Variants in MYT1L observed in about 807,000 individuals in gnomAD.
MYT1L encodes the protein myelin transcription factor 1 like, also known as myelin transcription factor 1-like protein.
Under a neutral mutation model 126.7 loss-of-function variants are expected in MYT1L, and 12 were observed. The ratio of observed to expected loss-of-function variants is 0.09; its 90% CI spans 0.06 to 0.15. The LOEUF (loss-of-function observed/expected upper bound fraction) is 0.15. Among genes scored for constraint, MYT1L ranks in the 10% least tolerant of loss-of-function variants. The probability of loss-of-function intolerance (pLI) is 1.00; values close to 1 mark genes in which losing one functional copy is unlikely to be tolerated. For missense variants in MYT1L, 979 were observed against 1,585.2 expected, an observed-to-expected ratio of 0.62 and a Z score of 6.49; for synonymous variants, 541 against 604.2, an observed-to-expected ratio of 0.90 and a Z score of 1.53.
chr2:2,055,621 C>T (rs558467717), intron 3 of MYT1L, among the ~76,000 whole-genome samples: 1 of 151,712 alleles, frequency 6.6e-6, no homozygotes, highest in East Asian at 2.0e-4. Context: ...ATTTGAAAGA[C>T]AAAAAATAGA....
intron 2 of MYT1L, among the ~76,000 whole-genome samples, chr2:2,207,501 A>G (rs1288656942): frequency 1.3e-5 from 2 of 152,200 alleles, no homozygotes; most frequent in African/African-American, 4.8e-5. Flanking sequence ...ATGTCGTGAC[A>G]TCTGTTTTAA....
At chr2:2,223,609 T>A (rs2093936776) in intron 2 of MYT1L, among the ~76,000 whole-genome samples, 1 of 152,220 alleles carries the variant, frequency 6.6e-6, no homozygotes, top group Non-Finnish European at 1.5e-5. Flanking sequence ...AATAATTTTC[T>A]CCATATATTT....
At chr2:1,892,381 C>T (rs1436682039) in intron 14 of MYT1L, 94 bp from the exon 15 acceptor site, 11 of 1,471,368 alleles carry the variant, frequency 7.5e-6, no homozygotes, top group Non-Finnish European at 8.1e-6. Context: ...GCCTCAGCCA[C>T]ACACAGCCGC....
intron 3 of MYT1L, among the ~76,000 whole-genome samples, chr2:2,077,139 G>A (rs959555706): frequency 3.0e-4 from 46 of 152,044 alleles, no homozygotes; most frequent in Non-Finnish European, 1.5e-4. Flanking sequence ...GGTTAATAGA[G>A]AGTATTTAGT....
chr2:1,964,692 A>T (rs1294369651), intron 8 of MYT1L, among the ~76,000 whole-genome samples: 4 of 152,344 alleles, frequency 2.6e-5, no homozygotes, highest in African/African-American at 9.6e-5. Flanking sequence ...AACAGACTGC[A>T]TTAAGGACCT....
chr2:2,012,875 A>G (rs2063972279), intron 4 of MYT1L, among the ~76,000 whole-genome samples: 1 of 152,162 alleles, frequency 6.6e-6, no homozygotes, highest in Non-Finnish European at 1.5e-5. Flanking sequence ...CAGGTGATAG[A>G]GCACCGAGGC....
chr2:1,883,018 C>A (rs562798484), intron 18 of MYT1L, among the ~76,000 whole-genome samples: 2 of 152,182 alleles, frequency 1.3e-5, no homozygotes, highest in South Asian at 2.1e-4. Flanking sequence ...ACTGCGCGTA[C>A]GGGACCATCG....
At chr2:2,077,992 G>C (rs2075400537) in intron 3 of MYT1L, among the ~76,000 whole-genome samples, 2 of 152,130 alleles carry the variant, frequency 1.3e-5, no homozygotes, top group Admixed American at 1.3e-4. Context: ...ATAAAACTGT[G>C]CTAATAGCTT....
At chr2:2,085,581 G>A (rs979708573) in intron 3 of MYT1L, among the ~76,000 whole-genome samples, 7 of 152,024 alleles carry the variant, frequency 4.6e-5, no homozygotes, top group Non-Finnish European at 1.0e-4. Flanking sequence ...GGTTGTTTAT[G>A]TTCCTGTTCT....
intron 3 of MYT1L, among the ~76,000 whole-genome samples, chr2:2,087,289 A>G (rs1198847972): frequency 6.6e-6 from 1 of 152,228 alleles, no homozygotes; most frequent in Admixed American, 6.5e-5. Context: ...TGCAATGCCA[A>G]ATAAGCTGAA....
chr2:2,327,513 A>G (rs1422782676), intron 1 of MYT1L, among the ~76,000 whole-genome samples: 5 of 151,700 alleles, frequency 3.3e-5, no homozygotes, highest in Non-Finnish European at 7.4e-5. Flanking sequence ...AACTTGAAAT[A>G]GGAAAATGCA....
chr2:2,113,850 C>G (rs55897686), intron 3 of MYT1L, among the ~76,000 whole-genome samples: 1 of 151,766 alleles, frequency 6.6e-6, no homozygotes, highest in African/African-American at 2.4e-5. Flanking sequence ...ACATTACTGC[C>G]TCCATTACAC....
intron 18 of MYT1L, among the ~76,000 whole-genome samples, chr2:1,867,215 C>T (rs1237560257): frequency 4.6e-5 from 7 of 151,876 alleles, no homozygotes; most frequent in Non-Finnish European, 1.0e-4. Context: ...GGGGTGAGGG[C>T]GCCTGTCAGG....
intron 1 of MYT1L, among the ~76,000 whole-genome samples, chr2:2,323,803 A>G (rs1307505804): frequency 1.3e-5 from 2 of 152,200 alleles, no homozygotes; most frequent in Non-Finnish European, 2.9e-5. Context: ...CACAATCTCC[A>G]GTAAGTTGCT....
At position 2,244,914 on chromosome 2, in the gene MYT1L, A is replaced by G. The variant is rs551948170; in HGVS notation, c.-421+39490T>C. On this transcript the variant is annotated intron_variant, in intron 2 of 24. Coordinates refer to ENST00000647738, the MANE Select transcript of MYT1L (RefSeq NM_001303052.2). The stretch of plus-strand genomic sequence containing the variant: ...GCTACCATATTATTTTGAGGTCCTT[A>G]TTAGAATAAAGATATGGAGAAAAGC... 1.3e-3 allele frequency among the ~76,000 whole-genome samples: 199 copies of G among 152,312 alleles called. 1 individual carries two copies. The highest frequency in any genetic ancestry group is 1.8e-3 in the Non-Finnish European group (123 of 68,024).
intron 5 of MYT1L, among the ~76,000 whole-genome samples, chr2:1,988,528 C>T (rs770381208): frequency 2.0e-5 from 3 of 152,300 alleles, no homozygotes; most frequent in Admixed American, 6.5e-5. Context: ...GTGCACCGTG[C>T]GGGGCAGCAG....
chr2:2,025,876 A>T (rs1235489741), intron 4 of MYT1L, among the ~76,000 whole-genome samples: 1 of 152,244 alleles, frequency 6.6e-6, no homozygotes, highest in Non-Finnish European at 1.5e-5. Flanking sequence ...CTCAATATTC[A>T]GAACAAGATA....
chr2:2,125,244 G>A (rs891799522), intron 3 of MYT1L, among the ~76,000 whole-genome samples: 1 of 152,236 alleles, frequency 6.6e-6, no homozygotes, highest in African/African-American at 2.4e-5. Flanking sequence ...TTAGTGAGTG[G>A]GGGTCTACTT....
At chr2:2,201,966 C>G (rs1004141533) in intron 2 of MYT1L, among the ~76,000 whole-genome samples, 27 of 152,132 alleles carry the variant, frequency 1.8e-4, no homozygotes, top group African/African-American at 6.3e-4. Context: ...GATTAAGAAA[C>G]TCACTCAAAA....
Sources: allele counts gnomAD v4.1 joint callset (sites outside exome capture counted in the v4.1 genomes callset), GRCh38; gene constraint gnomAD v4.1.1; transcripts MANE v1.5; gene names NCBI Gene and HGNC (gene_info 2026-07-23, HGNC 2026-07-21).